Variants in ITGB1 observed in about 807,000 individuals in gnomAD.
ITGB1 encodes the protein integrin subunit beta 1, also known as integrin beta-1.
A neutral mutation model predicts 86.5 loss-of-function variants in ITGB1; 24 were observed. The ratio of observed to expected loss-of-function variants is 0.28; its 90% CI spans 0.20 to 0.39. ITGB1 has a LOEUF of 0.39. Ranked by LOEUF, ITGB1 falls within the 10% of genes least tolerant of loss-of-function variation. The probability of loss-of-function intolerance (pLI) is 1.00; values close to 1 mark genes in which losing one functional copy is unlikely to be tolerated. For missense variants in ITGB1, 556 were observed against 946.9 expected, an observed-to-expected ratio of 0.59 and a Z score of 5.42; for synonymous variants, 323 against 316.8, an observed-to-expected ratio of 1.02 and a Z score of -0.21.
At chr10:32,903,336 A>C (rs996108092) in intron 15 of ITGB1, among the ~76,000 whole-genome samples, 5 of 139,194 alleles carry the variant, frequency 3.6e-5, no homozygotes, top group Middle Eastern at 3.4e-3. Context: ...TGGGCGAAAG[A>C]GCAAGACTCC....
At position 32,910,206 on chromosome 10, in the gene ITGB1, A is replaced by C. The variant is rs1259128079; in HGVS notation, c.2164+17T>G. The C allele has an allele frequency of 1.3e-6, 2 of 1,549,392 alleles. No individual in the cohort carries two copies. The highest frequency in any genetic ancestry group is 1.4e-5 in the African/African-American group (1 of 73,606). On this transcript the variant is annotated intron_variant, in intron 14 of 15. Transcript: ENST00000302278. ...TACAAGATATGAAAAGAATGTCTGC[A>C]ATCATCGCATTTCTACCTGGATTCT...
chr10:32,931,601 C>A (rs2094983582), intron 3 of ITGB1, among the ~76,000 whole-genome samples: 1 of 152,092 alleles, frequency 6.6e-6, no homozygotes, highest in Admixed American at 6.6e-5. Flanking sequence ...TCCCAACACA[C>A]CACTTTTAGA....
chr10:32,910,207 A>G lies in ITGB1; in HGVS notation c.2164+16T>C. The G allele has an allele frequency of 6.4e-7, 1 of 1,559,174 alleles. No homozygotes were observed. Among genetic ancestry groups the G allele is most frequent in the South Asian group, 1.1e-5 (1 of 89,730 alleles). On this transcript the variant is annotated intron_variant, in intron 14 of 15. Coordinates refer to ENST00000302278, the MANE Select transcript of ITGB1 (RefSeq NM_002211.4). ...ACAAGATATGAAAAGAATGTCTGCA[A>G]TCATCGCATTTCTACCTGGATTCTC...
chr10:32,942,194 G>A, intron 1 of ITGB1, among the ~76,000 whole-genome samples: 1 of 152,228 alleles, frequency 6.6e-6, no homozygotes, highest in East Asian at 1.9e-4. Flanking sequence ...GCCCAAGGGG[G>A]TGGATCACCC....
intron 1 of ITGB1, among the ~76,000 whole-genome samples, chr10:32,946,610 T>G (rs1284770492): frequency 6.6e-6 from 1 of 151,954 alleles, no homozygotes; most frequent in African/African-American, 2.4e-5. Flanking sequence ...CCACAGCATA[T>G]TTACTCTTAC....
chr10:32,943,109 C>A (rs1039439477), intron 1 of ITGB1, among the ~76,000 whole-genome samples: 1 of 152,168 alleles, frequency 6.6e-6, no homozygotes, highest in East Asian at 1.9e-4. Context: ...CTCAGAATTA[C>A]TTAATGTGCA....
rs760981561 is a variant in ITGB1 at position 32,920,067 on chromosome 10, G to T, written c.1287C>A (p.Ser429Arg). 6 of 1,612,842 alleles carry T rather than the reference G, an allele frequency of 3.7e-6. No homozygotes were observed. In the South Asian group the frequency reaches 6.6e-5, roughly 18 times the overall value. Residue 429 changes from serine to arginine, a missense_variant, in exon 11 of 16, where the codon AGC becomes AGA. Around this residue, in one of 4 missense-constraint regions of ITGB1, gnomAD observed 330 missense variants for 531.5 expected, o/e 0.62. Transcript: ENST00000302278. ...SIGDEVQFEISITSNKCPKKD... is the reference protein window; with the variant it reads ...SIGDEVQFEIRITSNKCPKKD... ...TTTTTGGACACTTATTTGAAGTTAT[G>T]CTAATTTCAAATTGAACCTTGAAGG... is the stretch of plus-strand genomic sequence containing the variant.
rs756465879 is a variant in ITGB1, at chr10:32,942,683, C to CT, written c.1-7126dup. ...GCCTCGACCCTGTCTCTCTCTCTCT[C>CT]TTTTTTTTTTTTTTGGGGGGAGACA... On this transcript the variant is annotated intron_variant, in intron 1 of 15. Coordinates refer to ENST00000302278, the MANE Select transcript of ITGB1 (RefSeq NM_002211.4). Among the ~76,000 whole-genome samples, 629 of 91,114 alleles carry CT rather than the reference C, an allele frequency of 6.9e-3. 2 individuals carry two copies. Among genetic ancestry groups the CT allele is most frequent in the Middle Eastern group, 0.021 (4 of 194 alleles). 59.8% of individuals were successfully genotyped at this position (91,114 alleles called of 152,430 possible).
At chr10:32,944,399 G>A in intron 1 of ITGB1, 1 of 300,320 alleles carries the variant, frequency 3.3e-6, no homozygotes, top group Non-Finnish European at 6.5e-6. Context: ...TCTGTAAAGG[G>A]GCGTCTACGC....
Position 32,926,127 on chromosome 10 carries a change from G to T in ITGB1, c.548-18C>A. On this transcript the variant is annotated intron_variant, in intron 5 of 15. Coordinates refer to ENST00000302278, the MANE Select transcript of ITGB1 (RefSeq NM_002211.4). Reference sequence around the variant, plus strand: ...GCCAAATCCTGCCAAGAAAAAAATGGTACATAAATGAATGAATGGATGGAT... The same window carrying T: ...GCCAAATCCTGCCAAGAAAAAAATGTTACATAAATGAATGAATGGATGGAT... The T allele has an allele frequency of 6.6e-7, 1 of 1,521,290 alleles. No individual in the cohort carries two copies. The highest frequency in any genetic ancestry group is 9.1e-7 in the Non-Finnish European group (1 of 1,095,894). The allele number at this position is 1,521,290 out of a possible 1,614,324, so 94.2% of individuals were successfully genotyped here. A position where few individuals can be genotyped will look rare whatever the true frequency, so the allele number is the denominator to read the frequency against.
At chr10:32,914,818 A>C (rs2137181178) in intron 11 of ITGB1, among the ~76,000 whole-genome samples, 1 of 152,286 alleles carries the variant, frequency 6.6e-6, no homozygotes, top group South Asian at 2.1e-4. Flanking sequence ...AGTGGACCTA[A>C]TAGACATCTA....
intron 1 of ITGB1, among the ~76,000 whole-genome samples, chr10:32,950,292 T>C (rs1162827384): frequency 2.0e-5 from 3 of 151,924 alleles, no homozygotes; most frequent in Admixed American, 1.3e-4. Context: ...TTATCCCACA[T>C]AGAGAGTAAT....
At chr10:32,919,826 C>A in intron 11 of ITGB1, 59 bp downstream of exon 11, 1 of 1,451,864 alleles carries the variant, frequency 6.9e-7, no homozygotes. Context: ...CAAAATATGA[C>A]CTGCCTATAC....
intron 15 of ITGB1, among the ~76,000 whole-genome samples, chr10:32,902,441 T>G (rs2094884385): frequency 6.6e-6 from 1 of 152,222 alleles, no homozygotes; most frequent in Non-Finnish European, 1.5e-5. Flanking sequence ...ATACTATAAC[T>G]GCTACATTTA....
chr10:32,928,477 C>T (rs1296863180), intron 4 of ITGB1, among the ~76,000 whole-genome samples: 1 of 152,114 alleles, frequency 6.6e-6, no homozygotes, highest in Admixed American at 6.5e-5. Context: ...CTTCAGGATG[C>T]AAAGATAAAA....
Position 32,938,997 on chromosome 10 carries a change from C to A in ITGB1, c.1-3439G>T, listed in dbSNP as rs77896171. ...CCCTTCTACCGGTACTGGGTGCCCC[C>A]TGCACATGCGCATGGAAGGGGAAGG... is the stretch of plus-strand genomic sequence containing the variant. On this transcript the variant is annotated intron_variant, in intron 1 of 15. Coordinates refer to ENST00000302278, the MANE Select transcript of ITGB1 (RefSeq NM_002211.4). Among the ~76,000 whole-genome samples the A allele has an allele frequency of 8.7e-4, 133 of 152,280 alleles. 3 individuals carry two copies. The East Asian group carries it at 0.025, about 29-fold the overall frequency.
At chr10:32,916,407 T>C (rs1289104288) in intron 11 of ITGB1, among the ~76,000 whole-genome samples, 2 of 152,210 alleles carry the variant, frequency 1.3e-5, no homozygotes, top group East Asian at 1.9e-4. Flanking sequence ...ATTGTCCCTG[T>C]TTGCAGATGA....
chr10:32,954,655 C>T (rs1166114833), intron 1 of ITGB1, among the ~76,000 whole-genome samples: 1 of 152,124 alleles, frequency 6.6e-6, no homozygotes, highest in Non-Finnish European at 1.5e-5. Flanking sequence ...TCTTTTTATG[C>T]ATCCCTGGAG....
chr10:32,922,548 G>T, intron 8 of ITGB1, 92 bp downstream of exon 8: 1 of 842,794 alleles, frequency 1.2e-6, no homozygotes, highest in Non-Finnish European at 1.9e-6. Context: ...TTGCCTATCT[G>T]GTGGCATTTT....
Sources: gnomAD v4.1 joint callset for allele counts (sites outside exome capture counted in the v4.1 genomes callset) on GRCh38, gnomAD v4.1.1 for gene constraint, gnomAD v4.1.1 regional missense constraint, MANE v1.5 for transcripts, NCBI Gene and HGNC (gene_info 2026-07-23, HGNC 2026-07-21) for gene names.